Variants in ROR2 observed in about 807,000 individuals in gnomAD.
The protein encoded by ROR2 is ROR family WNT receptor 2.
ROR2 carries 33 observed loss-of-function variants against 74.9 expected under a neutral mutation model. The observed-to-expected ratio is 0.44, with a 90% CI of 0.33 to 0.59. The LOEUF (loss-of-function observed/expected upper bound fraction) is 0.59, where lower values mean the gene tolerates loss of function less well. Ranked by LOEUF, ROR2 falls within the 20% of genes least tolerant of loss-of-function variation. The pLI, the probability that ROR2 is intolerant of heterozygous loss-of-function variation, is 0.02. For synonymous variants in ROR2, 586 were observed against 558.7 expected, an observed-to-expected ratio of 1.05 and a Z score of -0.69; for missense variants, 1,216 against 1,313.8, an observed-to-expected ratio of 0.93 and a Z score of 1.15.
At position 91,950,218 on chromosome 9, in the gene ROR2, G is replaced by A. The variant is rs879184148; in HGVS notation, c.-255C>T. ...CCCGCCGGCCGCCAGGACGAGCGCG[G>A]GGGGCGGACCGCGGGCGAGCGCGCA... On this transcript the variant is annotated 5_prime_UTR_variant, in exon 1 of 9. Transcript: ENST00000375708. The A allele has an allele frequency of 8.3e-6, 2 of 239,538 alleles. No homozygotes were observed. The highest frequency in any genetic ancestry group is 1.6e-5 in the Non-Finnish European group (2 of 125,692). The allele number at this position is 239,538 out of a possible 1,614,324, so 14.8% of individuals were successfully genotyped here.
chr9:91,860,924 C>T (rs547204704), intron 1 of ROR2, among the ~76,000 whole-genome samples: 20 of 152,080 alleles, frequency 1.3e-4, no homozygotes, highest in African/African-American at 3.6e-4. Flanking sequence ...ATATACAAAA[C>T]GAATATACAA....
At chr9:91,909,951 T>C (rs887791159) in intron 1 of ROR2, among the ~76,000 whole-genome samples, 22 of 139,392 alleles carry the variant, frequency 1.6e-4, no homozygotes, top group Non-Finnish European at 1.7e-4. Context: ...AACCTCCGCC[T>C]CCCGGGTTCA....
chr9:91,752,338 C>T (rs184873671), intron 4 of ROR2, among the ~76,000 whole-genome samples: 1 of 152,332 alleles, frequency 6.6e-6, no homozygotes, highest in Admixed American at 6.5e-5. Context: ...GCTTAGGTGT[C>T]CTTCAACAGG....
rs971718500 is a variant in ROR2, at chr9:91,759,869, G to C, written c.176-2310C>G. Among the ~76,000 whole-genome samples, 9 of 152,294 alleles carry C rather than the reference G, an allele frequency of 5.9e-5. No homozygotes were observed. In the East Asian group the frequency reaches 1.7e-3, roughly 29 times the overall value. The stretch of plus-strand genomic sequence containing the variant: ...CAGCCATCTTCACATTATATTGGAA[G>C]CTCAGTGGGACCAGTACTCAGATGG... On this transcript the variant is annotated intron_variant, in intron 2 of 8. Coordinates refer to ENST00000375708, the MANE Select transcript of ROR2 (RefSeq NM_004560.4).
chr9:91,780,558 C>T (rs1826583043), intron 1 of ROR2, among the ~76,000 whole-genome samples: 1 of 152,040 alleles, frequency 6.6e-6, no homozygotes, highest in Admixed American at 6.5e-5. Flanking sequence ...GAGGTCGAGG[C>T]CTCGGGTGGA....
chr9:91,759,901 C>T (rs1205509651), intron 2 of ROR2, among the ~76,000 whole-genome samples: 1 of 152,180 alleles, frequency 6.6e-6, no homozygotes, highest in African/African-American at 2.4e-5. Flanking sequence ...ATGGGGCCAT[C>T]ATTAGGTAAC....
At chr9:91,949,170 C>T (rs1832099080) in intron 1 of ROR2, among the ~76,000 whole-genome samples, 3 of 151,656 alleles carry the variant, frequency 2.0e-5, no homozygotes, top group South Asian at 2.1e-4. Flanking sequence ...CAGGGACCCG[C>T]GATCCCAGTC....
chr9:91,780,692 G>T (rs1826588955), intron 1 of ROR2, among the ~76,000 whole-genome samples: 1 of 152,196 alleles, frequency 6.6e-6, no homozygotes, highest in South Asian at 2.1e-4. Flanking sequence ...TTGGGAGGCT[G>T]AGGCAGGAGA....
intron 1 of ROR2, among the ~76,000 whole-genome samples, chr9:91,836,613 T>C (rs1050096880): frequency 6.6e-6 from 1 of 151,366 alleles, no homozygotes; most frequent in African/African-American, 2.4e-5. Context: ...AGGTCTCCTC[T>C]GTCCTCTGGT....
At chr9:91,764,043 G>A (rs35810339) in intron 2 of ROR2, among the ~76,000 whole-genome samples, 12,874 of 152,220 alleles carry the variant, frequency 0.085, 674 homozygotes, top group Middle Eastern at 0.14. Flanking sequence ...TTATCTACTA[G>A]ATTCAAAGAC....
chr9:91,823,351 T>TC (rs1470349767), intron 1 of ROR2, among the ~76,000 whole-genome samples: 1 of 152,012 alleles, frequency 6.6e-6, no homozygotes, highest in Non-Finnish European at 1.5e-5. Context: ...TTTTTTTTTT[T>TC]CAAGACGGAA....
intron 1 of ROR2, among the ~76,000 whole-genome samples, chr9:91,815,629 G>A (rs531912986): frequency 1.3e-5 from 2 of 152,284 alleles, no homozygotes; most frequent in African/African-American, 2.4e-5. Context: ...GCTGGCTATC[G>A]AGAGGTATTC....
rs1489863862 is a variant in ROR2, at chr9:91,724,855, G to T, written c.1639C>A (p.Gln547Lys). Residue 547 changes from glutamine to lysine, a missense_variant, in exon 9 of 9, where the codon CAG (glutamine) becomes AAG (lysine). Physicochemically the swap from Gln to Lys is moderately conservative, Grantham distance 53. Coordinates refer to ENST00000375708, the MANE Select transcript of ROR2 (RefSeq NM_004560.4). ...TAGCTGAAGATCATGCTCAGGGGCT[G>T]GTCCTTGGTCACCACGCCCAGCAGG... ...VCLLGVVTKD[Q>K]PLSMIFSYCS... 18 of 1,601,936 alleles carry T rather than the reference G, an allele frequency of 1.1e-5. No homozygotes were observed. Among genetic ancestry groups the T allele is most frequent in the Non-Finnish European group, 1.3e-5 (15 of 1,172,370 alleles).
intron 1 of ROR2, among the ~76,000 whole-genome samples, chr9:91,816,455 C>A (rs1296980525): frequency 6.6e-6 from 1 of 152,184 alleles, no homozygotes; most frequent in Non-Finnish European, 1.5e-5. Flanking sequence ...GGTCTCAGAT[C>A]ACCCACGCTC....
intron 1 of ROR2, among the ~76,000 whole-genome samples, chr9:91,911,916 C>A (rs1830993155): frequency 8.7e-6 from 1 of 115,266 alleles, no homozygotes. Context: ...GCCCAGTGTC[C>A]ATTACCTGAG....
intron 4 of ROR2, among the ~76,000 whole-genome samples, chr9:91,747,297 A>G (rs904791077): frequency 6.6e-6 from 1 of 152,184 alleles, no homozygotes; most frequent in African/African-American, 2.4e-5. Flanking sequence ...TATGGTGGTA[A>G]ATCCTTTAAC....
rs58825334 is a variant in ROR2 at position 91,785,094 on chromosome 9, T to C, written c.98-9276A>G. On this transcript the variant is annotated intron_variant, in intron 1 of 8. Coordinates refer to ENST00000375708, the MANE Select transcript of ROR2 (RefSeq NM_004560.4). ...ACACATGGACATGGGTACACACACG[T>C]ATACACACACACACACAGAGTTTGC... is the stretch of plus-strand genomic sequence containing the variant. 1.1e-4 allele frequency among the ~76,000 whole-genome samples: 17 copies of C among 152,202 alleles called. No homozygotes were observed. In the East Asian group the frequency reaches 3.3e-3, roughly 29 times the overall value.
intron 1 of ROR2, among the ~76,000 whole-genome samples, chr9:91,782,165 C>T (rs1199061610): frequency 6.6e-6 from 1 of 152,260 alleles, no homozygotes; most frequent in South Asian, 2.1e-4. Flanking sequence ...GGTCCCCTCC[C>T]TGTGACAGGG....
chr9:91,785,157 T>G (rs1826753970), intron 1 of ROR2, among the ~76,000 whole-genome samples: 1 of 152,172 alleles, frequency 6.6e-6, no homozygotes. Context: ...CTCCCTCCCT[T>G]AGCTCCAATT....
Sources: gnomAD v4.1 joint callset for allele counts (sites outside exome capture counted in the v4.1 genomes callset) on GRCh38, gnomAD v4.1.1 for gene constraint, MANE v1.5 for transcripts, NCBI Gene and HGNC (gene_info 2026-07-23, HGNC 2026-07-21) for gene names.